Variants in HPGDS observed in about 807,000 individuals in gnomAD.
HPGDS encodes hematopoietic prostaglandin D synthase, also known as GST class-sigma.
HPGDS carries 26 observed loss-of-function variants against 23.1 expected under a neutral mutation model. The observed-to-expected ratio is 1.13, with a 90% CI of 0.83 to 1.56. The LOEUF (loss-of-function observed/expected upper bound fraction) is 1.56, where lower values mean the gene tolerates loss of function less well. HPGDS is among the 40% of genes most tolerant of loss of function. The probability of loss-of-function intolerance (pLI) is 0.00; values close to 1 mark genes in which losing one functional copy is unlikely to be tolerated. For missense variants in HPGDS, 268 were observed against 236.4 expected, an observed-to-expected ratio of 1.13 and a Z score of -0.88; for synonymous variants, 95 against 77.9, an observed-to-expected ratio of 1.22 and a Z score of -1.16.
intron 1 of HPGDS, among the ~76,000 whole-genome samples, chr4:94,340,477 T>G (rs192037173): frequency 2.0e-5 from 3 of 146,988 alleles, no homozygotes; most frequent in African/African-American, 7.5e-5. Context: ...TAGCTGGGAC[T>G]ACAGGCACGC....
At chr4:94,341,083 A>C (rs1056450554) in intron 1 of HPGDS, among the ~76,000 whole-genome samples, 27 of 150,794 alleles carry the variant, frequency 1.8e-4, no homozygotes, top group Non-Finnish European at 3.1e-4. Context: ...GTGATCCGCC[A>C]GCCTCGGCCT....
intron 2 of HPGDS, among the ~76,000 whole-genome samples, chr4:94,323,145 T>C (rs1461680275): frequency 6.6e-6 from 1 of 152,208 alleles, no homozygotes; most frequent in East Asian, 1.9e-4. Flanking sequence ...TTGTGATTTC[T>C]GTTCTTTTAC....
At chr4:94,315,114 C>T (rs1456135897) in intron 3 of HPGDS, among the ~76,000 whole-genome samples, 5 of 152,214 alleles carry the variant, frequency 3.3e-5, no homozygotes, top group Admixed American at 2.0e-4. Flanking sequence ...CACCCTGTTT[C>T]AGCTCATGCT....
chr4:94,337,754 C>T (rs996979306), intron 1 of HPGDS, among the ~76,000 whole-genome samples: 1 of 152,156 alleles, frequency 6.6e-6, no homozygotes, highest in Non-Finnish European at 1.5e-5. Flanking sequence ...ACATAGATAC[C>T]AGTGTCCACC....
chr4:94,301,419 GTCTT>G (rs1208366403), intron 5 of HPGDS, among the ~76,000 whole-genome samples: 9 of 152,078 alleles, frequency 5.9e-5, no homozygotes, highest in South Asian at 2.1e-4. Context: ...GTTTATTTCA[GTCTT>G]TCTTTCTTAT....
At chr4:94,339,526 C>A (rs1023906429) in intron 1 of HPGDS, among the ~76,000 whole-genome samples, 2 of 151,992 alleles carry the variant, frequency 1.3e-5, no homozygotes, top group Non-Finnish European at 2.9e-5. Flanking sequence ...TAATAAATAC[C>A]CTGGATAAAA....
At chr4:94,324,587 A>C (rs1756591057) in intron 2 of HPGDS, among the ~76,000 whole-genome samples, 1 of 152,092 alleles carries the variant, frequency 6.6e-6, no homozygotes, top group Non-Finnish European at 1.5e-5. Flanking sequence ...TGATGTTCTC[A>C]TCCCATGGTT....
chr4:94,324,046 TG>T (rs1389575460), intron 2 of HPGDS, among the ~76,000 whole-genome samples: 3 of 152,250 alleles, frequency 2.0e-5, no homozygotes, highest in Non-Finnish European at 2.9e-5. Flanking sequence ...TATGAAATTC[TG>T]GGTTGAAAAT....
At chr4:94,326,527 A>C (rs1301663505) in intron 2 of HPGDS, among the ~76,000 whole-genome samples, 1 of 152,116 alleles carries the variant, frequency 6.6e-6, no homozygotes, top group South Asian at 2.1e-4. Flanking sequence ...AATTTCATTC[A>C]TTGAATTCTT....
intron 1 of HPGDS, among the ~76,000 whole-genome samples, chr4:94,340,242 C>CA (rs762612127): frequency 8.7e-4 from 127 of 145,670 alleles, no homozygotes; most frequent in Non-Finnish European, 1.6e-3. Context: ...AGGTGTGAGC[C>CA]ACTGTGCCTG....
intron 2 of HPGDS, among the ~76,000 whole-genome samples, chr4:94,320,430 C>G (rs1297756209): frequency 6.6e-6 from 1 of 152,162 alleles, no homozygotes; most frequent in African/African-American, 2.4e-5. Context: ...CCTGTTGTTT[C>G]CTGACTTTTT....
At chr4:94,327,468 C>T (rs1756655516) in intron 2 of HPGDS, among the ~76,000 whole-genome samples, 1 of 152,038 alleles carries the variant, frequency 6.6e-6, no homozygotes, top group South Asian at 2.1e-4. Context: ...GTGGGGTGGG[C>T]TGGTCCTCAG....
rs1179740491 is a variant in HPGDS at position 94,318,050 on chromosome 4, A to C, written c.134-85T>G. 4.0e-6 allele frequency: 3 copies of C among 746,940 alleles called. No homozygotes were observed. The East Asian group carries it at 8.1e-5, about 20-fold the overall frequency. 46.3% of individuals were successfully genotyped at this position (746,940 alleles called of 1,614,324 possible). Reference sequence around the variant, plus strand: ...CATTTTTACTGATCATCGTGAAAACAAAGCATGATTTTATGGAATCATGAA... The same window carrying C: ...CATTTTTACTGATCATCGTGAAAACCAAGCATGATTTTATGGAATCATGAA... On this transcript the variant is annotated intron_variant, in intron 2 of 5. Coordinates refer to ENST00000295256, the MANE Select transcript of HPGDS (RefSeq NM_014485.3).
chr4:94,322,206 G>T (rs770684635), intron 2 of HPGDS, among the ~76,000 whole-genome samples: 1 of 135,536 alleles, frequency 7.4e-6, no homozygotes, highest in Non-Finnish European at 1.6e-5. Flanking sequence ...GTTCATCAGG[G>T]ATATTGGTCT....
At chr4:94,340,745 G>A (rs1308670067) in intron 1 of HPGDS, among the ~76,000 whole-genome samples, 1 of 130,850 alleles carries the variant, frequency 7.6e-6, no homozygotes, top group Non-Finnish European at 1.6e-5. Flanking sequence ...CGCAGCCTCT[G>A]CCTCCCGGGT....
intron 4 of HPGDS, among the ~76,000 whole-genome samples, chr4:94,302,774 T>C (rs1237285079): frequency 6.6e-6 from 1 of 152,132 alleles, no homozygotes; most frequent in Non-Finnish European, 1.5e-5. Context: ...CATTATCAGA[T>C]TTGTCCATCT....
intron 1 of HPGDS, among the ~76,000 whole-genome samples, chr4:94,336,009 C>G (rs1721003452): frequency 6.6e-6 from 1 of 152,024 alleles, no homozygotes; most frequent in African/African-American, 2.4e-5. Flanking sequence ...AGTTCGAGAC[C>G]AGCCTGGCCA....
rs869240610 is a variant in HPGDS at position 94,340,311 on chromosome 4, C to CTTTTTTTTTTTTTTTTTTTTTTTT, written c.-10+2460_-10+2483dup. Among the ~76,000 whole-genome samples, 2 of 23,686 alleles carry CTTTTTTTTTTTTTTTTTTTTTTTT rather than the reference C, an allele frequency of 8.4e-5. 1 individual carries two copies. The highest frequency in any genetic ancestry group is 2.8e-3 in the East Asian group (2 of 726). 15.5% of individuals were successfully genotyped at this position (23,686 alleles called of 152,430 possible). On this transcript the variant is annotated intron_variant, in intron 1 of 5. Transcript: ENST00000295256. ...TTTCTTTCTTTCTTTCTTTCTTTCTCTTTTTTTTTTTTTTTTTTTTTTTTT... is the reference window on the plus strand; with the variant it reads ...TTTCTTTCTTTCTTTCTTTCTTTCTCTTTTTTTTTTTTTTTTTTTTTTTTTTTTTTTTTTTTTTTTTTTTTTTTT...
Position 94,302,212 on chromosome 4 carries a change from A to T in HPGDS, c.369T>A (p.Asn123Lys). 6.2e-7 allele frequency: 1 copy of T among 1,612,670 alleles called. No individual in the cohort carries two copies. Among genetic ancestry groups the T allele is most frequent in the Non-Finnish European group, 8.5e-7 (1 of 1,178,974 alleles). The change falls in exon 5 of 6, where the codon AAT (asparagine) becomes AAA (lysine). Residue 123 changes from asparagine to lysine, a missense_variant. Physicochemically the swap from Asn to Lys is moderately conservative, Grantham distance 94. Transcript: ENST00000295256. ...CCAAGTCTTGCATAAGATGAGGCGCATTATACGTGAGCAGCTCATTGAACA... is the reference window on the plus strand; with the variant it reads ...CCAAGTCTTGCATAAGATGAGGCGCTTTATACGTGAGCAGCTCATTGAACA... ...EQMFNELLTY[N>K]APHLMQDLDT...
Sources: gnomAD v4.1 joint callset for allele counts (sites outside exome capture counted in the v4.1 genomes callset) on GRCh38, gnomAD v4.1.1 for gene constraint, MANE v1.5 for transcripts, NCBI Gene and HGNC (gene_info 2026-07-23, HGNC 2026-07-21) for gene names.